LMO7: variants seen among roughly 807,000 people sequenced by gnomAD.
LMO7 encodes the protein LIM domain 7.
A neutral mutation model predicts 206.5 loss-of-function variants in LMO7; 120 were observed. That is an observed-to-expected ratio of 0.58 (90% confidence interval 0.50 to 0.68). The LOEUF (loss-of-function observed/expected upper bound fraction) is 0.68, where lower values mean the gene tolerates loss of function less well. Among genes scored for constraint, LMO7 ranks in the 30% least tolerant of loss-of-function variants. The pLI, the probability that LMO7 is intolerant of heterozygous loss-of-function variation, is 0.00. For synonymous variants in LMO7, 706 were observed against 681.5 expected, an observed-to-expected ratio of 1.04 and a Z score of -0.56; for missense variants, 1,959 against 1,957.9, an observed-to-expected ratio of 1.00 and a Z score of -0.01.
intron 3 of LMO7, among the ~76,000 whole-genome samples, chr13:75,741,534 T>A (rs1322068857): frequency 1.3e-5 from 2 of 152,208 alleles, no homozygotes; most frequent in Non-Finnish European, 2.9e-5. Context: ...TTATCTACCA[T>A]GATCAAGCAG....
intron 1 of LMO7, among the ~76,000 whole-genome samples, chr13:75,708,598 G>A (rs1003938080): frequency 1.3e-5 from 2 of 152,170 alleles, no homozygotes; most frequent in South Asian, 2.1e-4. Flanking sequence ...TCCAGATGAA[G>A]GACATGTTAC....
Position 75,808,239 on chromosome 13 carries a change from T to A in LMO7, c.1916+40T>A, listed in dbSNP as rs1487777639. The A allele has an allele frequency of 1.9e-6, 3 of 1,539,326 alleles. No homozygotes were observed. The African/African-American group carries it at 4.1e-5, about 21-fold the overall frequency. On this transcript the variant is annotated intron_variant, in intron 10 of 30. Coordinates refer to ENST00000377534, the MANE Select transcript of LMO7 (RefSeq NM_001306080.2). ...CTGCAAGGATTTTGCTTGTAATGGA[T>A]GGTCTTGTGTAACTTTTCTCATGCG...
chr13:75,787,220 T>A (rs1440460722), intron 4 of LMO7, among the ~76,000 whole-genome samples: 1 of 152,220 alleles, frequency 6.6e-6, no homozygotes, highest in Non-Finnish European at 1.5e-5. Context: ...TGGTTTACCG[T>A]CTAATGGGGA....
At chr13:75,645,485 CCTGT>C (rs2036928997) in intron 1 of LMO7, among the ~76,000 whole-genome samples, 2 of 151,922 alleles carry the variant, frequency 1.3e-5, no homozygotes, top group Non-Finnish European at 2.9e-5. Flanking sequence ...TGCACTCTAG[CCTGT>C]ATGACAGAGC....
At chr13:75,767,569 C>T (rs1406452215) in intron 4 of LMO7, among the ~76,000 whole-genome samples, 2 of 148,286 alleles carry the variant, frequency 1.3e-5, no homozygotes, top group East Asian at 3.9e-4. Context: ...AAAGCCTGCC[C>T]TCCTCAAAAA....
rs199654352 is a variant in LMO7 at position 75,842,834 on chromosome 13, C to T, written c.4032-17C>T. On this transcript the variant is annotated splice_polypyrimidine_tract_variant and intron_variant, in intron 24 of 30. Transcript: ENST00000377534. The stretch of plus-strand genomic sequence containing the variant: ...AAGTCTAATATTTTGACAACAAAAT[C>T]TTTTTCTATCTTTTAGGCCTGTTGA... 2 of 1,544,302 alleles carry T rather than the reference C, an allele frequency of 1.3e-6. No individual in the cohort carries two copies. Among genetic ancestry groups the T allele is most frequent in the South Asian group, 1.1e-5 (1 of 88,058 alleles).
chr13:75,838,445 T>A (rs2059320085), intron 20 of LMO7: 11 of 684,786 alleles, frequency 1.6e-5, no homozygotes, highest in African/African-American at 2.1e-5. Context: ...TTTTTTTTTT[T>A]AACTTTGTAA....
chr13:75,841,069 G>A lies in LMO7; in HGVS notation c.3583-40G>A, dbSNP rs761996475. The A allele has an allele frequency of 3.2e-6, 4 of 1,250,280 alleles. No individual in the cohort carries two copies. In the South Asian group the frequency reaches 5.0e-5, roughly 16 times the overall value. 77.4% of individuals were successfully genotyped at this position (1,250,280 alleles called of 1,614,324 possible). ...ATAAAGAAGATTCCTAATGTGAAGA[G>A]TTAATCTATTGGATTAATATATGTC... On this transcript the variant is annotated intron_variant, in intron 22 of 30. Coordinates refer to ENST00000377534, the MANE Select transcript of LMO7 (RefSeq NM_001306080.2).
At chr13:75,856,729 C>G in intron 30 of LMO7, 121 bp downstream of exon 30, 1 of 674,860 alleles carries the variant, frequency 1.5e-6, no homozygotes, top group Non-Finnish European at 2.7e-6. Flanking sequence ...TTCCAGGTTT[C>G]AAGAATTGTA....
At chr13:75,697,126 A>C (rs1366627778) in intron 1 of LMO7, among the ~76,000 whole-genome samples, 1 of 152,136 alleles carries the variant, frequency 6.6e-6, no homozygotes, top group African/African-American at 2.4e-5. Context: ...GATTGGCATG[A>C]GGAGAAGGTG....
intron 3 of LMO7, among the ~76,000 whole-genome samples, chr13:75,755,983 G>A (rs1433600196): frequency 6.6e-6 from 1 of 152,202 alleles, no homozygotes; most frequent in Non-Finnish European, 1.5e-5. Context: ...AAAATTGTCA[G>A]TCTCTTTAGT....
chr13:75,856,396 A>G (rs2060953848), intron 29 of LMO7, 110 bp from the exon 30 acceptor site: 1 of 671,178 alleles, frequency 1.5e-6, no homozygotes, highest in African/African-American at 1.8e-5. Context: ...GCTGAAATGT[A>G]TCTAAGAGCT....
intron 1 of LMO7, among the ~76,000 whole-genome samples, chr13:75,675,350 A>C (rs867645205): frequency 1.3e-5 from 2 of 152,202 alleles, no homozygotes. Flanking sequence ...TTGGGATTAC[A>C]GGCATGAGCC....
Position 75,856,422 on chromosome 13 carries a change from G to T in LMO7, c.4771-84G>T, listed in dbSNP as rs538908835. 58 of 771,158 alleles carry T rather than the reference G, an allele frequency of 7.5e-5. No homozygotes were observed. The Admixed American group carries it at 1.0e-3, about 14-fold the overall frequency. The allele number at this position is 771,158 out of a possible 1,614,324, so 47.8% of individuals were successfully genotyped here. On this transcript the variant is annotated intron_variant, in intron 29 of 30. Transcript: ENST00000377534. ...TCTAAGAGCTTAGAAGTAGCATTCT[G>T]CTCATTTCCCCCCCACCCCCAGGAG...
In LMO7 at chr13:75,741,082, G is replaced by A. The variant is rs1269463325; in HGVS notation, c.210+13984G>A. 2.6e-5 allele frequency among the ~76,000 whole-genome samples: 4 copies of A among 152,050 alleles called. No homozygotes were observed. The East Asian group carries it at 7.7e-4, about 29-fold the overall frequency. Reference sequence around the variant, plus strand: ...CTAATAGAGACAGTGAATGTTAAAGGATATCAATAAATTTGATTAAAACTG... The same window carrying A: ...CTAATAGAGACAGTGAATGTTAAAGAATATCAATAAATTTGATTAAAACTG... On this transcript the variant is annotated intron_variant, in intron 3 of 30. Transcript: ENST00000377534.
intron 2 of LMO7, 147 bp from the exon 3 acceptor site, chr13:75,726,882 C>G (rs1463088472): frequency 3.1e-6 from 2 of 639,382 alleles, no homozygotes; most frequent in Admixed American, 2.8e-5. Context: ...GACTTGATAT[C>G]TTGGTTATTT....
intron 5 of LMO7, among the ~76,000 whole-genome samples, chr13:75,795,882 G>A (rs1207812914): frequency 6.6e-6 from 1 of 152,142 alleles, no homozygotes; most frequent in African/African-American, 2.4e-5. Context: ...ATAGCCAGGT[G>A]ATGCCTTGAT....
At chr13:75,628,005 G>A (rs1484344165) in intron 2 of LMO7, 1 of 151,676 alleles carries the variant, frequency 6.6e-6, no homozygotes, top group Non-Finnish European at 1.5e-5. Flanking sequence ...GATCTTTATA[G>A]TAGGAAGAAA....
chr13:75,647,418 C>T (rs1490461308), intron 1 of LMO7, among the ~76,000 whole-genome samples: 1 of 152,080 alleles, frequency 6.6e-6, no homozygotes, highest in East Asian at 1.9e-4. Flanking sequence ...TTGAAAAAAG[C>T]AACTTTAAAC....
Sources: gnomAD v4.1 joint callset for allele counts (sites outside exome capture counted in the v4.1 genomes callset) on GRCh38, gnomAD v4.1.1 for gene constraint, MANE v1.5 for transcripts, NCBI Gene and HGNC (gene_info 2026-07-23, HGNC 2026-07-21) for gene names.